Variants in SDK1 observed in about 807,000 individuals in gnomAD.
SDK1 encodes sidekick cell adhesion molecule 1, also known as protein sidekick-1.
SDK1 carries 157 observed loss-of-function variants against 245.5 expected under a neutral mutation model. The ratio of observed to expected loss-of-function variants is 0.64; its 90% CI spans 0.56 to 0.73. The LOEUF is 0.73. Ranked by LOEUF, SDK1 falls within the 30% of genes least tolerant of loss-of-function variation. SDK1 has a pLI of 0.00. For missense variants in SDK1, 3,583 were observed against 3,002.3 expected, an observed-to-expected ratio of 1.19 and a Z score of -4.52; for synonymous variants, 1,647 against 1,278.5, an observed-to-expected ratio of 1.29 and a Z score of -6.15.
intron 4 of SDK1, among the ~76,000 whole-genome samples, chr7:3,817,259 G>A (rs1054566604): frequency 2.0e-5 from 3 of 152,126 alleles, no homozygotes; most frequent in Non-Finnish European, 4.4e-5. Context: ...TTCCCCTTGG[G>A]TCCATAGATA....
At chr7:3,381,575 C>G (rs1356743206) in intron 1 of SDK1, among the ~76,000 whole-genome samples, 1 of 152,056 alleles carries the variant, frequency 6.6e-6, no homozygotes, top group Non-Finnish European at 1.5e-5. Context: ...GCTGGCGATA[C>G]TGTAGCATGC....
chr7:3,709,265 AC>A (rs1784968306), intron 4 of SDK1, among the ~76,000 whole-genome samples: 1 of 152,306 alleles, frequency 6.6e-6, no homozygotes, highest in South Asian at 2.1e-4. Context: ...TCAAGATAGG[AC>A]CCCACATCCT....
At chr7:3,487,523 C>G (rs1429882877) in intron 1 of SDK1, among the ~76,000 whole-genome samples, 1 of 151,972 alleles carries the variant, frequency 6.6e-6, no homozygotes, top group South Asian at 2.1e-4. Flanking sequence ...AAACAGATCA[C>G]CTGAGCCCAG....
At chr7:3,323,827 C>G (rs1349970479) in intron 1 of SDK1, among the ~76,000 whole-genome samples, 1 of 152,182 alleles carries the variant, frequency 6.6e-6, no homozygotes, top group Non-Finnish European at 1.5e-5. Flanking sequence ...TGGGGCAGAA[C>G]ATTTTTGAAT....
At chr7:3,467,364 A>C (rs2128597167) in intron 1 of SDK1, among the ~76,000 whole-genome samples, 1 of 152,236 alleles carries the variant, frequency 6.6e-6, no homozygotes, top group East Asian at 1.9e-4. Flanking sequence ...ACTCATGAAC[A>C]TTAAAGAATT....
intron 1 of SDK1, among the ~76,000 whole-genome samples, chr7:3,580,609 C>A (rs1292249021): frequency 6.6e-6 from 1 of 152,002 alleles, no homozygotes; most frequent in Admixed American, 6.5e-5. Flanking sequence ...GATTTTTTTA[C>A]ACCATGTAAA....
intron 1 of SDK1, among the ~76,000 whole-genome samples, chr7:3,567,045 C>G (rs1462985947): frequency 6.6e-6 from 1 of 152,152 alleles, no homozygotes; most frequent in Non-Finnish European, 1.5e-5. Context: ...CATTTATTTT[C>G]CCGGGTACGC....
intron 5 of SDK1, among the ~76,000 whole-genome samples, chr7:3,849,661 T>G (rs976847575): frequency 6.6e-6 from 1 of 152,188 alleles, no homozygotes; most frequent in Admixed American, 6.5e-5. Flanking sequence ...AGAATTCATT[T>G]TGATGGATGA....
At chr7:4,113,231 G>T (rs6956409) in intron 23 of SDK1, 58 bp from the exon 24 acceptor site, 1 of 1,572,244 alleles carries the variant, frequency 6.4e-7, no homozygotes, top group Non-Finnish European at 8.6e-7. Flanking sequence ...TTGTGGTTTC[G>T]TTCTTTTCCT....
intron 12 of SDK1, among the ~76,000 whole-genome samples, chr7:3,972,897 A>C (rs1429324293): frequency 6.6e-6 from 1 of 152,258 alleles, no homozygotes; most frequent in Admixed American, 6.5e-5. Context: ...AAAAACCAGC[A>C]AGTGAAAGAC....
chr7:4,037,643 T>C (rs945596880), intron 17 of SDK1, among the ~76,000 whole-genome samples: 2 of 152,082 alleles, frequency 1.3e-5, no homozygotes, highest in African/African-American at 4.8e-5. Context: ...AAATAGCTTC[T>C]TTTGTCAAAA....
At chr7:3,656,821 C>T (rs1331909111) in intron 4 of SDK1, among the ~76,000 whole-genome samples, 6 of 151,338 alleles carry the variant, frequency 4.0e-5, no homozygotes, top group African/African-American at 1.5e-4. Context: ...AATCTCGGCT[C>T]ACTGCAAGCT....
intron 5 of SDK1, among the ~76,000 whole-genome samples, chr7:3,827,354 C>A (rs139802064): frequency 6.6e-6 from 1 of 152,260 alleles, no homozygotes; most frequent in East Asian, 1.9e-4. Flanking sequence ...AATTTTGCAA[C>A]TGCTCCTTTC....
rs1785241842 is a variant in SDK1, at chr7:3,717,645, T to G, written c.713+75540T>G. 4.6e-5 allele frequency among the ~76,000 whole-genome samples: 7 copies of G among 152,228 alleles called. 1 individual carries two copies. The South Asian group carries it at 1.4e-3, about 32-fold the overall frequency. On this transcript the variant is annotated intron_variant, in intron 4 of 44. Transcript: ENST00000404826. The stretch of plus-strand genomic sequence containing the variant: ...TGATAGGAAAATACTACAGCAGGTT[T>G]ATGCCCATAAAGTTGAAAACTTAGA...
intron 5 of SDK1, among the ~76,000 whole-genome samples, chr7:3,946,438 C>T (rs541686357): frequency 6.6e-6 from 1 of 152,208 alleles, no homozygotes; most frequent in Admixed American, 6.5e-5. Flanking sequence ...CCTCAGCGTC[C>T]TGAGTAGCTG....
rs372543741 is a variant in SDK1, at chr7:3,402,188, A to G, written c.298+100304A>G. 9.9e-4 allele frequency among the ~76,000 whole-genome samples: 150 copies of G among 152,280 alleles called. 1 individual carries two copies. The highest frequency in any genetic ancestry group is 3.4e-3 in the African/African-American group (142 of 41,576). The stretch of plus-strand genomic sequence containing the variant: ...AGCTTCATGTGGCTCAGTATCCTGC[A>G]CTCAGTAGGATATGTGGAGGATATA... On this transcript the variant is annotated intron_variant, in intron 1 of 44. Coordinates refer to ENST00000404826, the MANE Select transcript of SDK1 (RefSeq NM_152744.4).
intron 1 of SDK1, among the ~76,000 whole-genome samples, chr7:3,467,680 T>G (rs1781050311): frequency 6.6e-6 from 1 of 152,164 alleles, no homozygotes. Context: ...ACATTCAATT[T>G]CTTCGTTTGT....
At chr7:4,003,617 G>A (rs1270955943) in intron 14 of SDK1, among the ~76,000 whole-genome samples, 1 of 152,186 alleles carries the variant, frequency 6.6e-6, no homozygotes, top group Non-Finnish European at 1.5e-5. Context: ...GAGGTAAAGC[G>A]CCATTCTCAT....
At chr7:3,906,480 C>A (rs1288533495) in intron 5 of SDK1, among the ~76,000 whole-genome samples, 1 of 151,912 alleles carries the variant, frequency 6.6e-6, no homozygotes, top group African/African-American at 2.4e-5. Context: ...CGCTCATGCT[C>A]CCTGAACTGT....
Sources: gnomAD v4.1 joint callset for allele counts (sites outside exome capture counted in the v4.1 genomes callset) on GRCh38, gnomAD v4.1.1 for gene constraint, MANE v1.5 for transcripts, NCBI Gene and HGNC (gene_info 2026-07-23, HGNC 2026-07-21) for gene names.